Variants in MUC20 observed in about 807,000 individuals in gnomAD.
MUC20 encodes mucin 20, cell surface associated.
Under a neutral mutation model 23.8 loss-of-function variants are expected in MUC20, and 14 were observed. The observed-to-expected ratio is 0.59, with a 90% CI of 0.39 to 0.92. The LOEUF is 0.92. Ranked by LOEUF, MUC20 falls within the 40% of genes least tolerant of loss-of-function variation. The pLI, the probability that MUC20 is intolerant of heterozygous loss-of-function variation, is 0.00. For missense variants in MUC20, 375 were observed against 668.8 expected (o/e 0.56, Z 4.85); for synonymous variants, 166 against 279.3 (o/e 0.59, Z 4.04).
chr3:195,731,971 A>G (rs1050061704), intron 3 of MUC20, among the ~76,000 whole-genome samples: 7 of 130,808 alleles, frequency 5.4e-5, no homozygotes, highest in Non-Finnish European at 1.0e-4. Flanking sequence ...AGGGAAGCCA[A>G]TTGCTTTTGT....
At chr3:195,731,767 C>A (rs1255510652) in intron 3 of MUC20, among the ~76,000 whole-genome samples, 4 of 152,270 alleles carry the variant, frequency 2.6e-5, no homozygotes, top group African/African-American at 9.6e-5. Context: ...GAGCCCACAG[C>A]CAGGTGCCAG....
intron 2 of MUC20, among the ~76,000 whole-genome samples, chr3:195,727,093 T>C (rs1410133270): frequency 3.9e-5 from 6 of 152,396 alleles, no homozygotes; most frequent in Admixed American, 6.5e-5. Context: ...ATGCCATAGA[T>C]AGTGACTTAA....
intron 3 of MUC20, among the ~76,000 whole-genome samples, chr3:195,730,330 CT>C (rs1713251768): frequency 6.6e-6 from 1 of 152,234 alleles, no homozygotes; most frequent in Non-Finnish European, 1.5e-5. Context: ...ATTTTCTTTT[CT>C]TTTTTCTTTT....
chr3:195,732,984 G>T (rs1713551696), intron 3 of MUC20, among the ~76,000 whole-genome samples, 166 bp from the exon 4 acceptor site: 1 of 152,258 alleles, frequency 6.6e-6, no homozygotes, highest in Non-Finnish European at 1.5e-5. Context: ...AGGTTTAGAT[G>T]ACATAATGTG....
chr3:195,731,798 C>T (rs1713412657), intron 3 of MUC20, among the ~76,000 whole-genome samples: 1 of 152,260 alleles, frequency 6.6e-6, no homozygotes, highest in Non-Finnish European at 1.5e-5. Context: ...GAAGGGATGT[C>T]TGTGTCCTTG....
intron 3 of MUC20, 27 bp downstream of exon 3, chr3:195,729,766 G>T (rs778435122): frequency 3.2e-6 from 5 of 1,572,258 alleles, no homozygotes; most frequent in Non-Finnish European, 4.3e-6. Context: ...CGGGCCAGGG[G>T]AGTAGAGGAA....
At position 195,729,734 on chromosome 3, in the gene MUC20, C is replaced by G. The variant is rs1036904840; in HGVS notation, c.2056C>G (p.Gln686Glu). 5 of 1,594,470 alleles carry G rather than the reference C, an allele frequency of 3.1e-6. No homozygotes were observed. In the East Asian group the frequency reaches 9.1e-5, roughly 29 times the overall value. The change falls in exon 3 of 4, where the codon CAG becomes GAG. Residue 686 changes from glutamine to glutamate, a missense_variant. Transcript: ENST00000447234. ...TDPRVAERLMQQLHRELHAHA... is the reference protein window; with the variant it reads ...TDPRVAERLMEQLHRELHAHA... ...CCCCAGAGTGGCAGAAAGGCTGATG[C>G]AGCAGGTGAGTGGGCACTTTCCGGG...
chr3:195,721,521 C>T (rs1321185344), intron 1 of MUC20, among the ~76,000 whole-genome samples: 1 of 151,686 alleles, frequency 6.6e-6, no homozygotes, highest in South Asian at 2.1e-4. Flanking sequence ...CAGTTTATTA[C>T]CTAGCATGGA....
At chr3:195,730,528 T>G (rs1286817025) in intron 3 of MUC20, among the ~76,000 whole-genome samples, 1 of 152,068 alleles carries the variant, frequency 6.6e-6, no homozygotes, top group African/African-American at 2.4e-5. Context: ...ATGTTTTTTT[T>G]TTTAGTAGAG....
chr3:195,721,359 A>G (rs1214657226), intron 1 of MUC20, among the ~76,000 whole-genome samples: 2 of 152,174 alleles, frequency 1.3e-5, no homozygotes, highest in South Asian at 2.1e-4. Flanking sequence ...CTAATCAACC[A>G]TGACGCTGCC....
chr3:195,729,481 T>C, intron 2 of MUC20, 167 bp from the exon 3 acceptor site: 1 of 666,998 alleles, frequency 1.5e-6, no homozygotes, highest in South Asian at 1.9e-5. Flanking sequence ...CATGCCCGGC[T>C]CATTTTGTGT....
At chr3:195,729,885 A>G (rs1220487579) in intron 3 of MUC20, 146 bp downstream of exon 3, 2 of 792,146 alleles carry the variant, frequency 2.5e-6, no homozygotes, top group Non-Finnish European at 4.0e-6. Context: ...GCTGAATCTG[A>G]GGATCTCTGC....
chr3:195,721,199 G>A lies in MUC20; in HGVS notation c.76+116G>A, dbSNP rs767372049. On this transcript the variant is annotated intron_variant, in intron 1 of 3. Coordinates refer to ENST00000447234, the MANE Select transcript of MUC20 (RefSeq NM_001282506.2). ...CAGGCTCTCTCGGGTTGATTATAAT[G>A]AACCACAGTGCTACTTGTGAAGTGC... 1,549 of 1,294,522 alleles carry A rather than the reference G, an allele frequency of 1.2e-3. 1 individual carries two copies. The African/African-American group carries it at 0.021, about 18-fold the overall frequency. The allele number at this position is 1,294,522 out of a possible 1,614,324, so 80.2% of individuals were successfully genotyped here. A position where few individuals can be genotyped will look rare whatever the true frequency, so the allele number is the denominator to read the frequency against.
At chr3:195,727,404 C>T (rs1712810769) in intron 2 of MUC20, among the ~76,000 whole-genome samples, 1 of 152,238 alleles carries the variant, frequency 6.6e-6, no homozygotes. Context: ...TAAGCAAATA[C>T]AGCGAAGGCT....
chr3:195,726,673 A>C lies in MUC20; in HGVS notation c.1969+101A>C, dbSNP rs185302186. On this transcript the variant is annotated intron_variant, in intron 2 of 3. Coordinates refer to ENST00000447234, the MANE Select transcript of MUC20 (RefSeq NM_001282506.2). The stretch of plus-strand genomic sequence containing the variant: ...GAGAGGAGGGAAGGATCTGGAGCCT[A>C]CTCAGAGCCTGCTCCTGATGTTGCC... 6,276 of 1,371,182 alleles carry C rather than the reference A, an allele frequency of 4.6e-3. 9 individuals carry two copies. The highest frequency in any genetic ancestry group is 5.6e-3 in the Non-Finnish European group (5,571 of 998,534). 84.9% of individuals were successfully genotyped at this position (1,371,182 alleles called of 1,614,324 possible).
intron 2 of MUC20, among the ~76,000 whole-genome samples, chr3:195,728,097 AGTGAAGGGGTG>A (rs1295894328): frequency 1.3e-5 from 2 of 150,582 alleles, no homozygotes; most frequent in African/African-American, 5.0e-5. Flanking sequence ...TGCTCTGGAA[AGTGAAGGGGTG>A]GCCTGCCCCT....
chr3:195,723,950 T>C (rs2641742), intron 1 of MUC20, among the ~76,000 whole-genome samples: 13,753 of 19,210 alleles, frequency 0.72, 6,646 homozygotes, highest in East Asian at 1. Flanking sequence ...GCAGAAGTGC[T>C]GGCAGCCGCT....
At chr3:195,728,853 C>T (rs2641735) in intron 2 of MUC20, among the ~76,000 whole-genome samples, 119,065 of 151,826 alleles carry the variant, frequency 0.78, 44,199 homozygotes, top group African/African-American at 0.93. Context: ...GCGATGACTT[C>T]TACCAAGTAT....
At chr3:195,721,235 G>C (rs1418927905) in intron 1 of MUC20, among the ~76,000 whole-genome samples, 152 bp downstream of exon 1, 2 of 150,660 alleles carry the variant, frequency 1.3e-5, no homozygotes, top group Middle Eastern at 3.2e-3. Context: ...TATTATTGTT[G>C]ATAAAGAGTG....
Sources: allele counts gnomAD v4.1 joint callset (sites outside exome capture counted in the v4.1 genomes callset), GRCh38; gene constraint gnomAD v4.1.1; transcripts MANE v1.5; gene names NCBI Gene and HGNC (gene_info 2026-07-23, HGNC 2026-07-21).